ATP6V0A4: variants seen among roughly 807,000 people sequenced by gnomAD.
ATP6V0A4 encodes the protein ATPase H+ transporting V0 subunit a4.
Under a neutral mutation model 107.3 loss-of-function variants are expected in ATP6V0A4, and 86 were observed. The ratio of observed to expected loss-of-function variants is 0.80; its 90% CI spans 0.67 to 0.96. ATP6V0A4 has a LOEUF of 0.96. ATP6V0A4 is among the 40% of genes least tolerant of loss of function. The pLI is 0.00. For synonymous variants in ATP6V0A4, 353 were observed against 381.4 expected (o/e 0.93, Z 0.87); for missense variants, 908 against 1,045.6 (o/e 0.87, Z 1.81).
intron 15 of ATP6V0A4, among the ~76,000 whole-genome samples, chr7:138,736,916 G>C (rs966843680): frequency 7.9e-5 from 12 of 151,632 alleles, no homozygotes; most frequent in African/African-American, 2.9e-4. Flanking sequence ...AACAGACATA[G>C]AGATGTTAAC....
chr7:138,743,379 AC>A (rs1477288154), intron 14 of ATP6V0A4, among the ~76,000 whole-genome samples: 3 of 149,658 alleles, frequency 2.0e-5, no homozygotes, highest in Non-Finnish European at 4.4e-5. Flanking sequence ...AATCGCTTGA[AC>A]CCGGGAGGTG....
Position 138,747,485 on chromosome 7 carries a change from C to G in ATP6V0A4, c.1260G>C (p.Leu420=). 6.2e-7 allele frequency: 1 copy of G among 1,614,120 alleles called. No individual in the cohort carries two copies. The highest frequency in any genetic ancestry group is 8.5e-7 in the Non-Finnish European group (1 of 1,180,038). Residue 420 remains leucine (L), a synonymous_variant, in exon 13 of 22, where the codon CTG becomes CTC. Coordinates refer to ENST00000310018, the MANE Select transcript of ATP6V0A4 (RefSeq NM_020632.3). ...CATTCAGAATCATCCAAAGTGCAGCCAGGAGCATCACGGTTCCATGACCAC... is the reference window on the plus strand; with the variant it reads ...CATTCAGAATCATCCAAAGTGCAGCGAGGAGCATCACGGTTCCATGACCAC... ...GDCGHGTVML[L]AALWMILNER...
Position 138,775,840 on chromosome 7 carries a change from CG to C in ATP6V0A4, c.-17-4577del, listed in dbSNP as rs933168782. On this transcript the variant is annotated intron_variant, in intron 2 of 21. Transcript: ENST00000310018. ...TAATTTTTTGTATTTTTAGTAGAGA[CG>C]GGGTTTCACCGGGTTAGCCAGGATG... is the stretch of plus-strand genomic sequence containing the variant. Among the ~76,000 whole-genome samples, 116 of 151,968 alleles carry C rather than the reference CG, an allele frequency of 7.6e-4. 1 individual carries two copies. The highest frequency in any genetic ancestry group is 2.4e-3 in the Admixed American group (37 of 15,260).
At chr7:138,789,939 A>G (rs1299357003) in intron 1 of ATP6V0A4, among the ~76,000 whole-genome samples, 6 of 150,486 alleles carry the variant, frequency 4.0e-5, no homozygotes, top group Non-Finnish European at 1.5e-5. Flanking sequence ...ACTGCACTCC[A>G]GCCTGGGTGA....
At position 138,769,222 on chromosome 7, in the gene ATP6V0A4, C is replaced by T; in HGVS notation, c.147G>A (p.Arg49=). 6.2e-7 allele frequency: 1 copy of T among 1,612,456 alleles called. No homozygotes were observed. Among genetic ancestry groups the T allele is most frequent in the South Asian group, 1.1e-5 (1 of 91,036 alleles). ...DLNMNVNSFQ[R]KFVNEVRRCE... Reference sequence around the variant, plus strand: ...ACCTTCTGACTTCATTCACAAATTTCCTTTGAAAGCTGTTCACATTCATAT... The same window carrying T: ...ACCTTCTGACTTCATTCACAAATTTTCTTTGAAAGCTGTTCACATTCATAT... Residue 49 remains arginine (R), a synonymous_variant, in exon 4 of 22, where the codon AGG becomes AGA. Transcript: ENST00000310018.
At chr7:138,755,953 TACGTC>T (rs1219950048) in intron 9 of ATP6V0A4, 171 bp from the exon 10 acceptor site, 18 of 1,205,324 alleles carry the variant, frequency 1.5e-5, no homozygotes, top group Non-Finnish European at 2.1e-5. Context: ...GGGTTCCCAG[TACGTC>T]ACTTGTGCTG....
At chr7:138,745,352 A>G (rs1584919553) in intron 13 of ATP6V0A4, 72 bp from the exon 14 acceptor site, 3 of 1,607,316 alleles carry the variant, frequency 1.9e-6, no homozygotes, top group East Asian at 2.2e-5. Context: ...AGCGTTCTAC[A>G]GGATATCTCC....
intron 2 of ATP6V0A4, 162 bp from the exon 3 acceptor site, chr7:138,771,426 G>GA: frequency 1.5e-5 from 4 of 261,640 alleles, no homozygotes; most frequent in Non-Finnish European, 1.7e-5. Context: ...TTCTTAGACA[G>GA]GGTCTCACTC....
intron 17 of ATP6V0A4, among the ~76,000 whole-genome samples, chr7:138,731,223 C>T (rs1288680138): frequency 6.6e-6 from 1 of 152,212 alleles, no homozygotes; most frequent in African/African-American, 2.4e-5. Flanking sequence ...GCGTGAGCCA[C>T]TACGCCCAGC....
chr7:138,772,119 A>T (rs1008119725), intron 2 of ATP6V0A4, among the ~76,000 whole-genome samples: 6 of 152,194 alleles, frequency 3.9e-5, no homozygotes, highest in African/African-American at 1.4e-4. Flanking sequence ...GGTAATCCAT[A>T]TGCCCATTGG....
In ATP6V0A4 at chr7:138,715,777, G is replaced by C; in HGVS notation, c.2244C>G (p.Ser748Arg). The C allele has an allele frequency of 6.2e-7, 1 of 1,613,798 alleles. No homozygotes were observed. Among genetic ancestry groups the C allele is most frequent in the Non-Finnish European group, 8.5e-7 (1 of 1,179,760 alleles). The change falls in exon 20 of 22, where the codon AGC becomes AGG. Residue 748 changes from serine (S) to arginine (R), a missense_variant. Transcript: ENST00000310018. ...CTGCTCACTCACGTGCATGAGCCAG[G>C]CTGAGGGCCCAGAGCCGCAGGTAGG... Reference protein sequence around the residue: ...TASYLRLWALSLAHAQLSEVL... With the variant: ...TASYLRLWALRLAHAQLSEVL...
At position 138,730,937 on chromosome 7, in the gene ATP6V0A4, TTA is replaced by T. The variant is rs1368711865; in HGVS notation, c.1908+1938_1908+1939del. Among the ~76,000 whole-genome samples, 99 of 136,110 alleles carry T rather than the reference TTA, an allele frequency of 7.3e-4. 1 individual carries two copies. The highest frequency in any genetic ancestry group is 3.1e-3 in the African/African-American group (93 of 29,812). The allele number at this position is 136,110 out of a possible 152,430, so 89.3% of individuals were successfully genotyped here. A position where few individuals can be genotyped will look rare whatever the true frequency, so the allele number is the denominator to read the frequency against. ...ATTTTTTCTTCTTCTTCTTCTTTTT[TTA>T]TTTTTTTTTTTGAGACAGAGTTTTG... On this transcript the variant is annotated intron_variant, in intron 17 of 21. Transcript: ENST00000310018.
At position 138,769,186 on chromosome 7, in the gene ATP6V0A4, C is replaced by T; in HGVS notation, c.183G>A (p.Leu61=). ...FVNEVRRCES[L]ERILRFLEDE... is the part of the protein sequence containing the mutation. ...AAATTGGCTTACGGAGGATTCTCTC[C>T]AGTGATTCACACCTTCTGACTTCAT... Residue 61 remains leucine (L), a synonymous_variant, in exon 4 of 22, where the codon CTG becomes CTA. Transcript: ENST00000310018. 6.2e-7 allele frequency: 1 copy of T among 1,611,262 alleles called. No homozygotes were observed. Among genetic ancestry groups the T allele is most frequent in the East Asian group, 2.2e-5 (1 of 44,880 alleles).
rs1367296514 is a variant in ATP6V0A4 at position 138,745,238 on chromosome 7, T to C, written c.1363A>G (p.Met455Val). 3.7e-6 allele frequency: 6 copies of C among 1,613,546 alleles called. No individual in the cohort carries two copies. Among genetic ancestry groups the C allele is most frequent in the Admixed American group, 3.3e-5 (2 of 59,952 alleles). Reference sequence around the variant, plus strand: ...CCCGTGTAGATGGAGAAGATGCCCATAAGTAGGATCAGATAGCGCCCGTGG... The same window carrying C: ...CCCGTGTAGATGGAGAAGATGCCCACAAGTAGGATCAGATAGCGCCCGTGG... The part of the protein sequence containing the change: ...FFHGRYLILL[M>V]GIFSIYTGLI... Residue 455 changes from methionine (M) to valine (V), a missense_variant, in exon 14 of 22, where the codon ATG (methionine) becomes GTG (valine). Met to Val is a conservative substitution (Grantham distance 21). Coordinates refer to ENST00000310018, the MANE Select transcript of ATP6V0A4 (RefSeq NM_020632.3).
intron 13 of ATP6V0A4, among the ~76,000 whole-genome samples, chr7:138,747,038 CACAAACA>C (rs141988928): frequency 0.013 from 1,937 of 152,160 alleles, 12 homozygotes; most frequent in Non-Finnish European, 0.018. Flanking sequence ...GGTGGATAAG[CACAAACA>C]AATTGGAAAG....
chr7:138,722,225 C>T, intron 18 of ATP6V0A4, 200 bp from the exon 19 acceptor site: 1 of 494,448 alleles, frequency 2.0e-6, no homozygotes, highest in Non-Finnish European at 2.6e-6. Flanking sequence ...AAGTAAGCTG[C>T]AGCACAGAAA....
intron 15 of ATP6V0A4, 53 bp downstream of exon 15, chr7:138,739,487 T>A: frequency 6.3e-7 from 1 of 1,596,590 alleles, no homozygotes; most frequent in Non-Finnish European, 8.6e-7. Context: ...TCTCCAGAGG[T>A]CTCCTCAAGA....
rs33940158 is a variant in ATP6V0A4 at position 138,759,052 on chromosome 7, A to ATTTTTTTTTTT, written c.639+689_639+699dup. ...AGGCATGAGCCACCATGCCCAGCCT[A>ATTTTTTTTTTT]TTTTTTTTTTTTTTTTTTTTTTTTT... is the stretch of plus-strand genomic sequence containing the variant. On this transcript the variant is annotated intron_variant, in intron 8 of 21. Transcript: ENST00000310018. Among the ~76,000 whole-genome samples, 76 of 54,570 alleles carry ATTTTTTTTTTT rather than the reference A, an allele frequency of 1.4e-3. 5 individuals are homozygous for ATTTTTTTTTTT. Among genetic ancestry groups the ATTTTTTTTTTT allele is most frequent in the African/African-American group, 6.2e-3 (71 of 11,462 alleles). 35.8% of individuals were successfully genotyped at this position (54,570 alleles called of 152,430 possible). A position where few individuals can be genotyped will look rare whatever the true frequency, so the allele number is the denominator to read the frequency against.
intron 5 of ATP6V0A4, chr7:138,763,229 G>C: frequency 3.2e-6 from 1 of 317,452 alleles, no homozygotes; most frequent in Non-Finnish European, 4.5e-6. Context: ...GCTCTCTTAA[G>C]AGTTCCATCA....
Sources: gnomAD v4.1 joint callset for allele counts (sites outside exome capture counted in the v4.1 genomes callset) on GRCh38, gnomAD v4.1.1 for gene constraint, MANE v1.5 for transcripts, NCBI Gene and HGNC (gene_info 2026-07-23, HGNC 2026-07-21) for gene names.